ZNF395: variants seen among roughly 807,000 people sequenced by gnomAD.
ZNF395 encodes the protein zinc finger protein 395, also known as HD gene regulatory region-binding protein 2.
In ZNF395, 20 loss-of-function variants were observed where a neutral mutation model predicts 57.7. The observed-to-expected ratio is 0.35, with a 90% CI of 0.24 to 0.50. ZNF395 has a LOEUF of 0.50. ZNF395 is among the 20% of genes least tolerant of loss of function. The pLI, the probability that ZNF395 is intolerant of heterozygous loss-of-function variation, is 0.97. For synonymous variants in ZNF395, 295 were observed against 275.9 expected, an observed-to-expected ratio of 1.07 and a Z score of -0.69; for missense variants, 606 against 671.2, an observed-to-expected ratio of 0.90 and a Z score of 1.07.
In ZNF395 at chr8:28,348,603, C is replaced by T. The variant is rs1364421945; in HGVS notation, c.*116G>A. 1.1e-6 allele frequency: 1 copy of T among 902,154 alleles called. No homozygotes were observed. The highest frequency in any genetic ancestry group is 2.0e-5 in the Admixed American group (1 of 50,686). The allele number at this position is 902,154 out of a possible 1,614,324, so 55.9% of individuals were successfully genotyped here. A position where few individuals can be genotyped will look rare whatever the true frequency, so the allele number is the denominator to read the frequency against. Reference sequence around the variant, plus strand: ...GTGTTACACCTTAGCCAACAGAGCCCAAACTCCGTGTTTCCGTTCTTTCTC... The same window carrying T: ...GTGTTACACCTTAGCCAACAGAGCCTAAACTCCGTGTTTCCGTTCTTTCTC... On this transcript the variant is annotated 3_prime_UTR_variant, in exon 10 of 10. Coordinates refer to ENST00000344423, the MANE Select transcript of ZNF395 (RefSeq NM_018660.3).
At chr8:28,353,561 T>C (rs2129945675) in intron 4 of ZNF395, among the ~76,000 whole-genome samples, 153 bp from the exon 5 acceptor site, 1 of 152,350 alleles carries the variant, frequency 6.6e-6, no homozygotes, top group East Asian at 1.9e-4. Context: ...TTTCCTACCA[T>C]AGCCACCTGG....
chr8:28,359,274 C>T lies in ZNF395; in HGVS notation c.473+318G>A, dbSNP rs931779996. ...AAAATTAGCCAGGCGTGGTGGTGCA[C>T]GCCTGTAATCCCAGTTACTCGGGAG... is the stretch of plus-strand genomic sequence containing the variant. On this transcript the variant is annotated intron_variant, in intron 3 of 9. Transcript: ENST00000344423. The surrounding 1 kb of genome is among the most constrained non-coding windows in gnomAD (Gnocchi z 4.7). Among the ~76,000 whole-genome samples the T allele has an allele frequency of 6.6e-5, 10 of 152,190 alleles. No individual in the cohort carries two copies. Among genetic ancestry groups the T allele is most frequent in the East Asian group, 3.9e-4 (2 of 5,176 alleles).
chr8:28,353,145 G>A (rs755806363), intron 5 of ZNF395, 28 bp downstream of exon 5: 2 of 1,607,622 alleles, frequency 1.2e-6, no homozygotes, highest in Middle Eastern at 1.7e-4. Context: ...CTCCAGCCTG[G>A]GCTCCCACTC....
chr8:28,357,454 T>TA (rs1801795050), intron 3 of ZNF395, among the ~76,000 whole-genome samples: 1 of 152,248 alleles, frequency 6.6e-6, no homozygotes, highest in Non-Finnish European at 1.5e-5. Flanking sequence ...TAAAAATCCG[T>TA]ATATCACTAC....
chr8:28,384,734 C>A (rs1802150848), intron 1 of ZNF395, among the ~76,000 whole-genome samples: 1 of 152,236 alleles, frequency 6.6e-6, no homozygotes, highest in South Asian at 2.1e-4. Context: ...AAACTTAGTA[C>A]TCCAAGTCCC....
chr8:28,372,405 G>A (rs1046285728), intron 1 of ZNF395, among the ~76,000 whole-genome samples: 6 of 152,162 alleles, frequency 3.9e-5, no homozygotes, highest in African/African-American at 7.2e-5. Context: ...CAAACCTATC[G>A]GAAAATTATC....
chr8:28,356,846 C>A lies in ZNF395; in HGVS notation c.474-67G>T. 1 of 1,262,094 alleles carries A rather than the reference C, an allele frequency of 7.9e-7. No homozygotes were observed. The highest frequency in any genetic ancestry group is 1.4e-5 in the South Asian group (1 of 73,078). The allele number at this position is 1,262,094 out of a possible 1,614,324, so 78.2% of individuals were successfully genotyped here. A position where few individuals can be genotyped will look rare whatever the true frequency, so the allele number is the denominator to read the frequency against. On this transcript the variant is annotated intron_variant, in intron 3 of 9. Coordinates refer to ENST00000344423, the MANE Select transcript of ZNF395 (RefSeq NM_018660.3). The surrounding 1 kb of genome is among the most constrained non-coding windows in gnomAD (Gnocchi z 4.0). ...TGGCGGGCCCATGGTCCTTGCAAAA[C>A]GAGACACCACTTCTGGCTGGTTTCA...
At chr8:28,377,696 G>A (rs1802057764) in intron 1 of ZNF395, among the ~76,000 whole-genome samples, 1 of 147,746 alleles carries the variant, frequency 6.8e-6, no homozygotes, top group African/African-American at 2.5e-5. Context: ...CCCACTAACA[G>A]CCCCCTCTTG....
In ZNF395 at chr8:28,361,057, C is replaced by G. The variant is rs1801843414; in HGVS notation, c.68G>C (p.Ser23Thr). The G allele has an allele frequency of 6.2e-7, 1 of 1,611,978 alleles. No individual in the cohort carries two copies. The highest frequency in any genetic ancestry group is 1.1e-5 in the South Asian group (1 of 90,962). The change falls in exon 2 of 10, where the codon AGT becomes ACT. Residue 23 changes from serine to threonine, a missense_variant. By Grantham distance (58) the Ser-to-Thr change is moderately conservative. Coordinates refer to ENST00000344423, the MANE Select transcript of ZNF395 (RefSeq NM_018660.3). ...GGCAGCCGAGGGCCCCTCCGAGGCA[C>G]TGGGTCCCAACACCCGGGCTCCCAG... ...SLLGARVLGP[S>T]ASEGPSAAPP...
intron 1 of ZNF395, among the ~76,000 whole-genome samples, chr8:28,368,815 G>C (rs991407671): frequency 6.6e-6 from 1 of 152,128 alleles, no homozygotes; most frequent in Non-Finnish European, 1.5e-5. Context: ...AGGAACACAG[G>C]AACATGGACT....
intron 1 of ZNF395, among the ~76,000 whole-genome samples, chr8:28,380,310 T>C (rs113316691): frequency 0.022 from 3,422 of 152,374 alleles, 66 homozygotes; most frequent in Non-Finnish European, 0.032. Context: ...AATCAGACTT[T>C]AAATTCATCC....
intron 1 of ZNF395, among the ~76,000 whole-genome samples, chr8:28,364,105 C>A (rs879462461): frequency 2.0e-5 from 3 of 152,174 alleles, no homozygotes; most frequent in Non-Finnish European, 2.9e-5. Context: ...CTAATTTAAT[C>A]CTCAAAAGGA....
chr8:28,365,995 C>T (rs1267736148), intron 1 of ZNF395, among the ~76,000 whole-genome samples: 1 of 152,200 alleles, frequency 6.6e-6, no homozygotes, highest in Non-Finnish European at 1.5e-5. Flanking sequence ...GGTGGCTGTG[C>T]TCTCCTACCA....
At chr8:28,371,448 T>A (rs183434123) in intron 1 of ZNF395, among the ~76,000 whole-genome samples, 1 of 152,328 alleles carries the variant, frequency 6.6e-6, no homozygotes, top group Admixed American at 6.5e-5. Flanking sequence ...TCTAAAGTGC[T>A]AGGATTACAG....
chr8:28,368,874 C>T (rs375527953), intron 1 of ZNF395, among the ~76,000 whole-genome samples: 9 of 151,984 alleles, frequency 5.9e-5, no homozygotes, highest in Admixed American at 2.6e-4. Context: ...CTCGCTCTGT[C>T]GACCAGGTTG....
rs1290321050 is a variant in ZNF395, at chr8:28,352,076, A to G, written c.921-269T>C. Among the ~76,000 whole-genome samples, 1 of 152,190 alleles carries G rather than the reference A, an allele frequency of 6.6e-6. No homozygotes were observed. Among genetic ancestry groups the G allele is most frequent in the East Asian group, 1.9e-4 (1 of 5,188 alleles). On this transcript the variant is annotated intron_variant, in intron 6 of 9. Coordinates refer to ENST00000344423, the MANE Select transcript of ZNF395 (RefSeq NM_018660.3). This position sits in a 1 kb window ranked among gnomAD's most constrained non-coding sequence, Gnocchi z 4.0. ...CTCTGGCAGGAGGCATCCCACACTGAGCACGACCACGAGCCCTCTCTGGGC... is the reference window on the plus strand; with the variant it reads ...CTCTGGCAGGAGGCATCCCACACTGGGCACGACCACGAGCCCTCTCTGGGC...
rs1314852767 is a variant in ZNF395 at position 28,352,785 on chromosome 8, A to T, written c.820-112T>A. The T allele has an allele frequency of 4.6e-6, 4 of 862,818 alleles. No individual in the cohort carries two copies. Among genetic ancestry groups the T allele is most frequent in the Non-Finnish European group, 5.4e-6 (3 of 550,778 alleles). The allele number at this position is 862,818 out of a possible 1,614,324, so 53.4% of individuals were successfully genotyped here. Reference sequence around the variant, plus strand: ...CTGTCCCCGGCCTGACCCAACAAAAACCTCCAGGAAAGGGGTTCTCTGGGA... The same window carrying T: ...CTGTCCCCGGCCTGACCCAACAAAATCCTCCAGGAAAGGGGTTCTCTGGGA... On this transcript the variant is annotated intron_variant, in intron 5 of 9. Coordinates refer to ENST00000344423, the MANE Select transcript of ZNF395 (RefSeq NM_018660.3). This position sits in a 1 kb window ranked among gnomAD's most constrained non-coding sequence, Gnocchi z 4.0.
chr8:28,363,567 T>C (rs554065104), intron 1 of ZNF395, among the ~76,000 whole-genome samples: 3 of 152,262 alleles, frequency 2.0e-5, no homozygotes, highest in East Asian at 3.9e-4. Flanking sequence ...CAATGCCATG[T>C]AGAGACATGA....
chr8:28,377,344 C>G (rs1802053659), intron 1 of ZNF395, among the ~76,000 whole-genome samples: 1 of 152,108 alleles, frequency 6.6e-6, no homozygotes, highest in Non-Finnish European at 1.5e-5. Flanking sequence ...GTCGAGGCTG[C>G]AGTAAACCAT....
Sources: gnomAD v4.1 joint callset for allele counts (sites outside exome capture counted in the v4.1 genomes callset) on GRCh38, gnomAD v4.1.1 for gene constraint, Gnocchi (gnomAD v3.1) non-coding constraint, MANE v1.5 for transcripts, NCBI Gene and HGNC (gene_info 2026-07-23, HGNC 2026-07-21) for gene names.